NBEA: variants seen among roughly 807,000 people sequenced by gnomAD.
NBEA encodes lysosomal-trafficking regulator 2.
In NBEA, 44 loss-of-function variants were observed where a neutral mutation model predicts 343.4. The ratio of observed to expected loss-of-function variants is 0.13; its 90% confidence interval spans 0.10 to 0.16. NBEA has a LOEUF of 0.16. Ranked by LOEUF, NBEA falls within the 10% of genes least tolerant of loss-of-function variation. The pLI is 1.00. For synonymous variants in NBEA, 1,175 were observed against 1,238.7 expected, an observed-to-expected ratio of 0.95 and a Z score of 1.08; for missense variants, 2,555 against 3,631.3, an observed-to-expected ratio of 0.70 and a Z score of 7.62.
Position 34,998,811 on chromosome 13 carries a change from C to T in NBEA, c.295-42122C>T, listed in dbSNP as rs12323215. Among the ~76,000 whole-genome samples the T allele has an allele frequency of 2.1e-3, 320 of 152,058 alleles. 2 individuals are homozygous for T. Among genetic ancestry groups the T allele is most frequent in the Non-Finnish European group, 1.6e-3 (112 of 67,996 alleles). On this transcript the variant is annotated intron_variant, in intron 1 of 58. Transcript: ENST00000379939. ...ACGCAATCATCACAGGGTCCTGAGG[C>T]GACATACATCCTCCTCAGCTTACGA...
chr13:35,493,176 GA>G (rs2076559630), intron 41 of NBEA, among the ~76,000 whole-genome samples: 1 of 151,912 alleles, frequency 6.6e-6, no homozygotes, highest in African/African-American at 2.4e-5. Flanking sequence ...GCTGTTAAGT[GA>G]ATGGAACAGG....
chr13:35,142,362 C>T lies in NBEA; in HGVS notation c.2430C>T (p.Tyr810=). The T allele has an allele frequency of 6.2e-7, 1 of 1,610,984 alleles. No individual in the cohort carries two copies. The highest frequency in any genetic ancestry group is 8.5e-7 in the Non-Finnish European group (1 of 1,177,810). The change falls in exon 18 of 59, where the codon TAC becomes TAT. Residue 810 remains tyrosine, a synonymous_variant. Coordinates refer to ENST00000379939, the MANE Select transcript of NBEA (RefSeq NM_001385012.1). The part of the protein sequence containing the change: ...LHTNTVTVTT[Y]NTLYEILTEQ... Reference sequence around the variant, plus strand: ...CAAACACTGTGACTGTCACCACATACAACACACTTTATGAGGTAAAAATAA... The same window carrying T: ...CAAACACTGTGACTGTCACCACATATAACACACTTTATGAGGTAAAAATAA...
chr13:35,437,976 G>T (rs2045532256), intron 39 of NBEA, among the ~76,000 whole-genome samples: 1 of 152,014 alleles, frequency 6.6e-6, no homozygotes, highest in South Asian at 2.1e-4. Flanking sequence ...GGCCTCTGTT[G>T]CCCTTTCATA....
chr13:35,145,144 C>A (rs1454519504), intron 18 of NBEA, among the ~76,000 whole-genome samples: 1 of 152,150 alleles, frequency 6.6e-6, no homozygotes, highest in African/African-American at 2.4e-5. Flanking sequence ...GAACATAAAG[C>A]CTCTTGTTGT....
At chr13:34,964,705 T>G (rs1259039529) in intron 1 of NBEA, among the ~76,000 whole-genome samples, 9 of 151,934 alleles carry the variant, frequency 5.9e-5, no homozygotes, top group Admixed American at 5.9e-4. Context: ...TTTTGCTAAG[T>G]GGAGCTTAAA....
chr13:35,236,293 C>T (rs969826824), intron 34 of NBEA, among the ~76,000 whole-genome samples: 1 of 152,150 alleles, frequency 6.6e-6, no homozygotes, highest in African/African-American at 2.4e-5. Context: ...CCCTTCCAGA[C>T]CCAACTAGTC....
At position 35,671,229 on chromosome 13, in the gene NBEA, GT is replaced by G. The variant is rs891143983; in HGVS notation, c.*242del. 2.5e-6 allele frequency: 1 copy of G among 401,794 alleles called. No individual in the cohort carries two copies. Among genetic ancestry groups the G allele is most frequent in the Non-Finnish European group, 4.5e-6 (1 of 220,728 alleles). 24.9% of individuals were successfully genotyped at this position (401,794 alleles called of 1,614,324 possible). A position where few individuals can be genotyped will look rare whatever the true frequency, so the allele number is the denominator to read the frequency against. On this transcript the variant is annotated 3_prime_UTR_variant, in exon 59 of 59. Transcript: ENST00000379939. ...ATGTAAATTATATGAATTAGGAGAT[GT>G]TTTGGTAATTATTTCATATATTGTT...
Position 35,555,044 on chromosome 13 carries a change from C to T in NBEA, c.6864C>T (p.Arg2288=). 3 of 1,612,610 alleles carry T rather than the reference C, an allele frequency of 1.9e-6. No homozygotes were observed. The highest frequency in any genetic ancestry group is 2.2e-5 in the South Asian group (2 of 90,940). Reference sequence around the variant, plus strand: ...ATAAATCTTCCAATATGACTCAGCGCTGGCAAAGAAGGGAAATTTCAAACT... The same window carrying T: ...ATAAATCTTCCAATATGACTCAGCGTTGGCAAAGAAGGGAAATTTCAAACT... ...QLYKSSNMTQ[R]WQRREISNFE... The change falls in exon 44 of 59, where the codon CGC becomes CGT. Residue 2288 remains arginine (R), a synonymous_variant. Coordinates refer to ENST00000379939, the MANE Select transcript of NBEA (RefSeq NM_001385012.1).
chr13:34,951,232 A>G (rs73488146), intron 1 of NBEA, among the ~76,000 whole-genome samples: 2,343 of 152,302 alleles, frequency 0.015, 64 homozygotes, highest in African/African-American at 0.053. Context: ...GTTCAACAAT[A>G]GGAAAACATT....
At position 35,254,355 on chromosome 13, in the gene NBEA, T is replaced by TA. The variant is rs2032337763; in HGVS notation, c.5776+21737dup. Among the ~76,000 whole-genome samples, 4 of 150,580 alleles carry TA rather than the reference T, an allele frequency of 2.7e-5. No individual in the cohort carries two copies. In the South Asian group the frequency reaches 8.4e-4, roughly 32 times the overall value. Reference sequence around the variant, plus strand: ...TTTTTTTTTTTTTGAGACAGGGTCTTACTCTGTTAACAGGCTGGAGTGCAG... The same window carrying TA: ...TTTTTTTTTTTTTGAGACAGGGTCTTAACTCTGTTAACAGGCTGGAGTGCAG... On this transcript the variant is annotated intron_variant, in intron 34 of 58. Coordinates refer to ENST00000379939, the MANE Select transcript of NBEA (RefSeq NM_001385012.1).
chr13:35,514,343 C>A (rs980204230), intron 41 of NBEA, among the ~76,000 whole-genome samples: 1 of 152,168 alleles, frequency 6.6e-6, no homozygotes, highest in East Asian at 1.9e-4. Flanking sequence ...GTCAGCAGGT[C>A]ATTAACTCTG....
rs1053037489 is a variant in NBEA, at chr13:35,211,186, A to G, written c.5648+7A>G. 5.2e-6 allele frequency: 8 copies of G among 1,546,318 alleles called. No homozygotes were observed. The highest frequency in any genetic ancestry group is 4.1e-5 in the African/African-American group (3 of 72,680). On this transcript the variant is annotated splice_region_variant and intron_variant, in intron 33 of 58. Coordinates refer to ENST00000379939, the MANE Select transcript of NBEA (RefSeq NM_001385012.1). ...ATTCAGCTGAAAATATGAGGTATGC[A>G]TGACTACTTTTTATTCATTTTAACT...
chr13:35,657,580 C>T (rs2084874514), intron 55 of NBEA, among the ~76,000 whole-genome samples: 1 of 152,152 alleles, frequency 6.6e-6, no homozygotes, highest in Non-Finnish European at 1.5e-5. Context: ...CCAGCGATGG[C>T]TTTATTATTC....
chr13:35,494,143 A>G (rs2076593549), intron 41 of NBEA, among the ~76,000 whole-genome samples: 1 of 152,022 alleles, frequency 6.6e-6, no homozygotes, highest in Non-Finnish European at 1.5e-5. Flanking sequence ...ATAGTAAGAA[A>G]GTAATTAATC....
intron 10 of NBEA, among the ~76,000 whole-genome samples, chr13:35,076,481 A>C (rs1361629743): frequency 6.6e-6 from 1 of 152,080 alleles, no homozygotes; most frequent in Non-Finnish European, 1.5e-5. Context: ...TTAATTTTCA[A>C]ATAGCTTTTT....
chr13:35,597,924 G>A (rs2081881261), intron 47 of NBEA, among the ~76,000 whole-genome samples: 1 of 152,140 alleles, frequency 6.6e-6, no homozygotes. Flanking sequence ...GGTCACTGAG[G>A]GTGGAGGGAT....
chr13:35,255,475 G>A (rs921017274), intron 34 of NBEA, among the ~76,000 whole-genome samples: 1 of 152,248 alleles, frequency 6.6e-6, no homozygotes, highest in Non-Finnish European at 1.5e-5. Flanking sequence ...GCAAGCGCAG[G>A]TTCCGGCCAC....
intron 48 of NBEA, among the ~76,000 whole-genome samples, chr13:35,614,793 C>G (rs2082664078): frequency 6.6e-6 from 1 of 152,176 alleles, no homozygotes; most frequent in African/African-American, 2.4e-5. Context: ...GCATTTGTTT[C>G]TCCTCTTTCC....
chr13:35,417,855 A>G (rs1048955319), intron 38 of NBEA, among the ~76,000 whole-genome samples: 19 of 151,958 alleles, frequency 1.3e-4, no homozygotes, highest in Non-Finnish European at 2.4e-4. Flanking sequence ...TCCCATTATT[A>G]TTGTGTGGGA....
Sources: allele counts gnomAD v4.1 joint callset (sites outside exome capture counted in the v4.1 genomes callset), GRCh38; gene constraint gnomAD v4.1.1; transcripts MANE v1.5; gene names NCBI Gene and HGNC (gene_info 2026-07-23, HGNC 2026-07-21).